COL26A1: variants seen among roughly 807,000 people sequenced by gnomAD.
The protein encoded by COL26A1 is collagen type XXVI alpha 1 chain, also known as collagen alpha-1(XXVI) chain.
In COL26A1, 41 loss-of-function variants were observed where a neutral mutation model predicts 59.3. The observed-to-expected ratio is 0.69, with a 90% CI of 0.54 to 0.90. The LOEUF (loss-of-function observed/expected upper bound fraction) is 0.90. Ranked by LOEUF, COL26A1 falls within the 40% of genes least tolerant of loss-of-function variation. The pLI is 0.00. For missense variants in COL26A1, 612 were observed against 602.3 expected (o/e 1.02, Z -0.17); for synonymous variants, 266 against 256.0 (o/e 1.04, Z -0.37).
intron 3 of COL26A1, among the ~76,000 whole-genome samples, chr7:101,484,401 C>G (rs1205606169): frequency 6.6e-6 from 1 of 152,032 alleles, no homozygotes; most frequent in African/African-American, 2.4e-5. Flanking sequence ...GGCAGAGTCT[C>G]CCTGTGTCGC....
chr7:101,516,254 T>TTTTTG lies in COL26A1; in HGVS notation c.386-16808_386-16804dup, dbSNP rs545194129. ...TATGGGAGATTTGCTTTTTTGTTGT[T>TTTTTG]TTTTGTTTTGTTTTGTTTTGTTTTT... On this transcript the variant is annotated intron_variant, in intron 3 of 12. Transcript: ENST00000313669. Among the ~76,000 whole-genome samples the TTTTTG allele has an allele frequency of 7.9e-5, 12 of 152,102 alleles. No homozygotes were observed. In the East Asian group the frequency reaches 9.7e-4, roughly 12 times the overall value.
intron 2 of COL26A1, among the ~76,000 whole-genome samples, chr7:101,420,953 A>C (rs1584392868): frequency 1.3e-5 from 2 of 151,858 alleles, no homozygotes; most frequent in South Asian, 4.2e-4. Context: ...TGGCTTCCCC[A>C]AACCACTCTC....
chr7:101,471,571 G>GTTGTTTTT (rs1793903750), intron 3 of COL26A1, among the ~76,000 whole-genome samples: 3 of 92,968 alleles, frequency 3.2e-5, no homozygotes, highest in African/African-American at 1.2e-4. Flanking sequence ...GTTGTTGTTT[G>GTTGTTTTT]TTTTTTTTTT....
At chr7:101,394,051 T>C (rs1175539643) in intron 1 of COL26A1, among the ~76,000 whole-genome samples, 1 of 152,062 alleles carries the variant, frequency 6.6e-6, no homozygotes, top group East Asian at 1.9e-4. Context: ...GTGCTGGGAT[T>C]ATAGGCATGA....
intron 1 of COL26A1, among the ~76,000 whole-genome samples, chr7:101,372,597 G>A (rs1297610697): frequency 6.6e-6 from 1 of 152,194 alleles, no homozygotes; most frequent in Non-Finnish European, 1.5e-5. Context: ...GAACAGGAGA[G>A]CTTGAGGCAG....
intron 11 of COL26A1, among the ~76,000 whole-genome samples, chr7:101,554,567 TAAAAAA>T (rs57638079): frequency 3.3e-5 from 4 of 120,508 alleles, no homozygotes; most frequent in African/African-American, 9.4e-5. Flanking sequence ...CCCCATTTCT[TAAAAAA>T]AAAAAAAAAA....
upstream of COL26A1, chr7:101,362,745 T>A (rs896469837): frequency 2.1e-6 from 1 of 474,918 alleles, no homozygotes; most frequent in African/African-American, 2.1e-5. Context: ...GCTCGCACCC[T>A]AGCTCTGCCG....
chr7:101,534,055 AG>A (rs1299763703), intron 4 of COL26A1, among the ~76,000 whole-genome samples: 1 of 152,140 alleles, frequency 6.6e-6, no homozygotes, highest in Non-Finnish European at 1.5e-5. Context: ...GTTTAGCCAG[AG>A]GGGCTCGACC....
chr7:101,404,874 C>T (rs1383174510), intron 1 of COL26A1, among the ~76,000 whole-genome samples: 2 of 152,128 alleles, frequency 1.3e-5, no homozygotes, highest in African/African-American at 4.8e-5. Context: ...TGCACCCCAG[C>T]CTGGGTCACA....
intron 2 of COL26A1, among the ~76,000 whole-genome samples, chr7:101,431,394 G>T (rs935636562): frequency 6.6e-6 from 1 of 151,802 alleles, no homozygotes; most frequent in African/African-American, 2.4e-5. Flanking sequence ...CCAATAGCTG[G>T]GACTTTGGGC....
At chr7:101,380,727 T>C (rs1398374114) in intron 1 of COL26A1, among the ~76,000 whole-genome samples, 1 of 152,220 alleles carries the variant, frequency 6.6e-6, no homozygotes, top group Non-Finnish European at 1.5e-5. Flanking sequence ...GCCCAGACTT[T>C]AGAGATCAGC....
chr7:101,408,948 A>G (rs1257383200), intron 1 of COL26A1, among the ~76,000 whole-genome samples: 1 of 152,230 alleles, frequency 6.6e-6, no homozygotes, highest in Admixed American at 6.5e-5. Context: ...GCCACGTGCC[A>G]AGACCCAGAT....
chr7:101,543,885 G>C, intron 5 of COL26A1, 113 bp from the exon 6 acceptor site: 1 of 677,820 alleles, frequency 1.5e-6, no homozygotes, highest in Non-Finnish European at 2.5e-6. Context: ...GGGAGTCCCA[G>C]GTAGGCAGGG....
chr7:101,411,511 T>C (rs913010189), intron 1 of COL26A1, among the ~76,000 whole-genome samples: 2 of 150,948 alleles, frequency 1.3e-5, no homozygotes, highest in Non-Finnish European at 3.0e-5. Context: ...TAATTGGCCG[T>C]AAGGAGGCAG....
chr7:101,363,626 G>T (rs1333510603), intron 1 of COL26A1, among the ~76,000 whole-genome samples: 1 of 132,856 alleles, frequency 7.5e-6, no homozygotes, highest in Non-Finnish European at 1.5e-5. Flanking sequence ...GCGGGGCTGC[G>T]GGGTTGCGGG....
intron 3 of COL26A1, among the ~76,000 whole-genome samples, chr7:101,475,814 TTCTTTC>T (rs1563000060): frequency 4.1e-5 from 6 of 147,996 alleles, no homozygotes; most frequent in African/African-American, 1.0e-4. Flanking sequence ...CCTTCTTTCT[TTCTTTC>T]TCTCTCTTTC....
At chr7:101,400,351 CTATTT>C (rs1791964748) in intron 1 of COL26A1, among the ~76,000 whole-genome samples, 4 of 123,402 alleles carry the variant, frequency 3.2e-5, no homozygotes, top group Admixed American at 8.8e-5. Context: ...CTTTTTTTTC[CTATTT>C]TTTTTTTTTT....
At chr7:101,379,190 T>C (rs372953367) in intron 1 of COL26A1, among the ~76,000 whole-genome samples, 20 of 152,310 alleles carry the variant, frequency 1.3e-4, no homozygotes, top group African/African-American at 4.6e-4. Context: ...AGTCTTGGCC[T>C]GCCCCGGGCA....
chr7:101,394,678 C>T (rs1791812858), intron 1 of COL26A1, among the ~76,000 whole-genome samples: 1 of 149,740 alleles, frequency 6.7e-6, no homozygotes, highest in African/African-American at 2.5e-5. Context: ...CTGCTTCCAC[C>T]TCCCAAAGTG....
Sources: allele counts gnomAD v4.1 joint callset (sites outside exome capture counted in the v4.1 genomes callset), GRCh38; gene constraint gnomAD v4.1.1; transcripts MANE v1.5; gene names NCBI Gene and HGNC (gene_info 2026-07-23, HGNC 2026-07-21).